Variants in CDC37L1 observed in about 807,000 individuals in gnomAD.
CDC37L1 encodes hsp90 co-chaperone Cdc37-like 1.
CDC37L1 carries 32 observed loss-of-function variants against 45.9 expected under a neutral mutation model. The observed-to-expected ratio is 0.70, with a 90% CI of 0.53 to 0.94. CDC37L1 has a LOEUF of 0.94. Ranked by LOEUF, CDC37L1 falls within the 40% of genes least tolerant of loss-of-function variation. The probability of loss-of-function intolerance (pLI) is 0.00; values close to 1 mark genes in which losing one functional copy is unlikely to be tolerated. For missense variants in CDC37L1, 434 were observed against 405.7 expected, an observed-to-expected ratio of 1.07 and a Z score of -0.60; for synonymous variants, 150 against 133.0, an observed-to-expected ratio of 1.13 and a Z score of -0.88.
At chr9:4,701,142 T>A in intron 5 of CDC37L1, among the ~76,000 whole-genome samples, 1 of 152,244 alleles carries the variant, frequency 6.6e-6, no homozygotes, top group East Asian at 1.9e-4. Flanking sequence ...TCTCTTCCAC[T>A]ACTTGAACTT....
At position 4,706,137 on chromosome 9, in the gene CDC37L1, G is replaced by GT. The variant is rs757190322; in HGVS notation, c.*26dup. On this transcript the variant is annotated 3_prime_UTR_variant, in exon 7 of 7. Coordinates refer to ENST00000381854, the MANE Select transcript of CDC37L1 (RefSeq NM_017913.4). ...ATTTGGTTAAGACTGCTGAGGCCAA[G>GT]TGCTATTTTGTTACAAGAAAGGAAG... 9.2e-7 allele frequency: 1 copy of GT among 1,089,964 alleles called. No homozygotes were observed. The highest frequency in any genetic ancestry group is 1.7e-5 in the Admixed American group (1 of 57,326). 67.5% of individuals were successfully genotyped at this position (1,089,964 alleles called of 1,614,324 possible).
chr9:4,703,089 C>G, intron 6 of CDC37L1: 1 of 1,543,404 alleles, frequency 6.5e-7, no homozygotes, highest in Non-Finnish European at 8.7e-7. Flanking sequence ...TTTCCAGGCT[C>G]CAAGATTTTA....
intron 1 of CDC37L1, among the ~76,000 whole-genome samples, chr9:4,683,921 G>A (rs966506150): frequency 6.6e-6 from 1 of 152,238 alleles, no homozygotes; most frequent in Non-Finnish European, 1.5e-5. Context: ...TAGTAATTAA[G>A]TAAATAAAAG....
chr9:4,695,263 C>T (rs1404343587), intron 3 of CDC37L1, among the ~76,000 whole-genome samples: 1 of 152,148 alleles, frequency 6.6e-6, no homozygotes, highest in Non-Finnish European at 1.5e-5. Context: ...TAGCTCACTG[C>T]AGCCTCCACC....
At chr9:4,690,312 G>A (rs982432236) in intron 3 of CDC37L1, among the ~76,000 whole-genome samples, 2 of 152,144 alleles carry the variant, frequency 1.3e-5, no homozygotes, top group African/African-American at 2.4e-5. Flanking sequence ...GAGTGGGCTC[G>A]TTCAAGTGAG....
intron 6 of CDC37L1, chr9:4,702,948 C>A (rs1381631645): frequency 8.2e-5 from 36 of 439,684 alleles, no homozygotes; most frequent in Admixed American, 1.5e-4. Context: ...AAATTTACAT[C>A]AAAAAGGAGA....
chr9:4,680,643 C>T (rs972923915), intron 1 of CDC37L1, among the ~76,000 whole-genome samples: 1 of 152,116 alleles, frequency 6.6e-6, no homozygotes, highest in African/African-American at 2.4e-5. Flanking sequence ...TTTCAGGGAC[C>T]TATCTTAGGG....
At position 4,702,857 on chromosome 9, in the gene CDC37L1, C is replaced by A. The variant is rs147226545; in HGVS notation, c.912+829C>A. ...TGAGCCGAGATCGAGCCACTGCACT[C>A]CAGCCTGGGCGACAGAGCAAGACTC... On this transcript the variant is annotated intron_variant, in intron 6 of 6. Transcript: ENST00000381854. Among the ~76,000 whole-genome samples the A allele has an allele frequency of 6.2e-3, 885 of 142,890 alleles. 5 individuals carry two copies. Among genetic ancestry groups the A allele is most frequent in the African/African-American group, 0.022 (808 of 37,536 alleles). The allele number at this position is 142,890 out of a possible 152,430, so 93.7% of individuals were successfully genotyped here. A position where few individuals can be genotyped will look rare whatever the true frequency, so the allele number is the denominator to read the frequency against.
intron 5 of CDC37L1, among the ~76,000 whole-genome samples, chr9:4,698,950 T>A (rs1265641370): frequency 1.2e-4 from 19 of 152,300 alleles, no homozygotes; most frequent in African/African-American, 4.6e-4. Flanking sequence ...ACTTTTTTTT[T>A]AAATAAAAAT....
chr9:4,701,775 A>T (rs899060091), intron 5 of CDC37L1, 89 bp from the exon 6 acceptor site: 3 of 879,570 alleles, frequency 3.4e-6, no homozygotes, highest in Non-Finnish European at 5.1e-6. Context: ...TACTTCCTCC[A>T]CTTCAAACCT....
intron 3 of CDC37L1, among the ~76,000 whole-genome samples, chr9:4,696,763 A>T (rs1482927048): frequency 6.6e-6 from 1 of 152,236 alleles, no homozygotes; most frequent in Non-Finnish European, 1.5e-5. Context: ...TGGCTTACAT[A>T]ACTAACTCTC....
chr9:4,704,090 C>G (rs955524190), intron 6 of CDC37L1, among the ~76,000 whole-genome samples: 1 of 152,160 alleles, frequency 6.6e-6, no homozygotes, highest in Non-Finnish European at 1.5e-5. Context: ...ACCAAATCAT[C>G]AGTTTAGAGG....
intron 3 of CDC37L1, among the ~76,000 whole-genome samples, chr9:4,694,645 G>C (rs1336869389): frequency 6.6e-6 from 1 of 152,140 alleles, no homozygotes; most frequent in East Asian, 1.9e-4. Context: ...GGCCGAGGCA[G>C]GTGGATCATG....
chr9:4,692,469 C>A (rs1267023345), intron 3 of CDC37L1, among the ~76,000 whole-genome samples: 1 of 152,006 alleles, frequency 6.6e-6, no homozygotes, highest in South Asian at 2.1e-4. Flanking sequence ...GGGGTTTCAC[C>A]ATGTTGGCCA....
chr9:4,703,935 T>A (rs1178194716), intron 6 of CDC37L1, among the ~76,000 whole-genome samples: 1 of 152,184 alleles, frequency 6.6e-6, no homozygotes, highest in Non-Finnish European at 1.5e-5. Context: ...GGAGACCAAT[T>A]CCTTATGGTA....
At chr9:4,693,436 C>T (rs902288906) in intron 3 of CDC37L1, among the ~76,000 whole-genome samples, 2 of 151,968 alleles carry the variant, frequency 1.3e-5, no homozygotes, top group Admixed American at 1.3e-4. Flanking sequence ...GAGGAATAAC[C>T]TGTCTCTCAA....
intron 1 of CDC37L1, among the ~76,000 whole-genome samples, chr9:4,683,739 G>A (rs1841220027): frequency 6.6e-6 from 1 of 152,164 alleles, no homozygotes; most frequent in African/African-American, 2.4e-5. Context: ...TAATTCACAT[G>A]TGAAATTATA....
intron 1 of CDC37L1, among the ~76,000 whole-genome samples, chr9:4,681,585 G>A (rs1228236775): frequency 1.3e-5 from 2 of 151,232 alleles, no homozygotes; most frequent in South Asian, 2.1e-4. Flanking sequence ...ACAGTGAGCC[G>A]AGATCACACC....
chr9:4,696,503 AAAAG>A (rs1157584925), intron 3 of CDC37L1, among the ~76,000 whole-genome samples: 3 of 152,108 alleles, frequency 2.0e-5, no homozygotes, highest in East Asian at 1.9e-4. Flanking sequence ...AGAAGAGAAA[AAAAG>A]AAAAGAAAAA....
Sources: allele counts gnomAD v4.1 joint callset (sites outside exome capture counted in the v4.1 genomes callset), GRCh38; gene constraint gnomAD v4.1.1; transcripts MANE v1.5; gene names NCBI Gene and HGNC (gene_info 2026-07-23, HGNC 2026-07-21).